Variants in RALGDS observed in about 807,000 individuals in gnomAD.
The protein encoded by RALGDS is ral guanine nucleotide dissociation stimulator.
A neutral mutation model predicts 99.8 loss-of-function variants in RALGDS; 44 were observed. That is an observed-to-expected ratio of 0.44 (90% CI 0.35 to 0.57). RALGDS has a LOEUF of 0.57. Ranked by LOEUF, RALGDS falls within the 20% of genes least tolerant of loss-of-function variation. The pLI, the probability that RALGDS is intolerant of heterozygous loss-of-function variation, is 0.01. For synonymous variants in RALGDS, 529 were observed against 505.0 expected (o/e 1.05, Z -0.64); for missense variants, 1,022 against 1,203.1 (o/e 0.85, Z 2.23).
chr9:133,137,758 G>C (rs1832450649), intron 1 of RALGDS, among the ~76,000 whole-genome samples: 1 of 152,326 alleles, frequency 6.6e-6, no homozygotes, highest in East Asian at 1.9e-4. Flanking sequence ...GTTGGCCCTG[G>C]TTTAACCTAG....
chr9:133,114,313 C>T (rs1487701778), intron 1 of RALGDS, among the ~76,000 whole-genome samples: 1 of 152,188 alleles, frequency 6.6e-6, no homozygotes, highest in Non-Finnish European at 1.5e-5. Flanking sequence ...CAGCAGCAGG[C>T]ATGGAACCAG....
At chr9:133,102,407 C>T (rs1287052917) in intron 14 of RALGDS, 69 bp downstream of exon 14, 2 of 1,525,044 alleles carry the variant, frequency 1.3e-6, no homozygotes, top group East Asian at 2.3e-5. Context: ...ACTCCCTGAG[C>T]CCAGGCTCAG....
At chr9:133,141,981 C>T (rs1345917503) in intron 1 of RALGDS, among the ~76,000 whole-genome samples, 2 of 152,206 alleles carry the variant, frequency 1.3e-5, no homozygotes, top group African/African-American at 2.4e-5. Context: ...CGGTACCACA[C>T]GTGGTACCCC....
At position 133,098,552 on chromosome 9, in the gene RALGDS, T is replaced by G. The variant is rs1358874547; in HGVS notation, c.*35A>C. 6.2e-7 allele frequency: 1 copy of G among 1,612,038 alleles called. No homozygotes were observed. The stretch of plus-strand genomic sequence containing the variant: ...TGGGCCACTCTGGTCCATAAGTGCT[T>G]GGCTACCAGCCAGCCAGACCCTGGG... On this transcript the variant is annotated 3_prime_UTR_variant, in exon 18 of 18. Coordinates refer to ENST00000372050, the MANE Select transcript of RALGDS (RefSeq NM_006266.4).
intron 1 of RALGDS, among the ~76,000 whole-genome samples, chr9:133,118,801 C>G (rs1240306260): frequency 6.6e-6 from 1 of 152,240 alleles, no homozygotes; most frequent in African/African-American, 2.4e-5. Flanking sequence ...ACAGAGAACA[C>G]AGCCCATGCT....
Position 133,101,677 on chromosome 9 carries a change from G to A in RALGDS, c.2297C>T (p.Thr766Ile). ...SSSTSSSSASTTPVAATRTHK... is the reference protein window; with the variant it reads ...SSSTSSSSASITPVAATRTHK... ...GGTGCGTGTGGCAGCCACGGGCGTG[G>A]TGGAGGCTGAGGAGGACGAGGTGCT... is the stretch of plus-strand genomic sequence containing the variant. Residue 766 changes from threonine (T) to isoleucine (I), a missense_variant, in exon 16 of 18, where the codon ACC becomes ATC. Thr to Ile is a moderately conservative substitution (Grantham distance 89, BLOSUM62 -1). This residue lies in a region of RALGDS where 825 missense variants were observed against 994.5 expected (regional missense o/e 0.83). Transcript: ENST00000372050. The A allele has an allele frequency of 6.2e-7, 1 of 1,613,970 alleles. No homozygotes were observed. Among genetic ancestry groups the A allele is most frequent in the Non-Finnish European group, 8.5e-7 (1 of 1,179,994 alleles).
chr9:133,127,849 C>T (rs1178789496), intron 1 of RALGDS, among the ~76,000 whole-genome samples: 1 of 152,240 alleles, frequency 6.6e-6, no homozygotes, highest in Non-Finnish European at 1.5e-5. Flanking sequence ...GATGTGACAG[C>T]AACCCTCTGA....
rs571765436 is a variant in RALGDS, at chr9:133,099,809, GT to G, written c.2569+458del. On this transcript the variant is annotated intron_variant, in intron 17 of 17. Coordinates refer to ENST00000372050, the MANE Select transcript of RALGDS (RefSeq NM_006266.4). Reference sequence around the variant, plus strand: ...GATACCCCACTCTGAGCCTGCACTGGTTCTTGACACTTTCCCAGTTTCTAGA... The same window carrying G: ...GATACCCCACTCTGAGCCTGCACTGGTCTTGACACTTTCCCAGTTTCTAGA... 1.5e-3 allele frequency: 311 copies of G among 209,828 alleles called. 2 individuals are homozygous for G. The highest frequency in any genetic ancestry group is 6.5e-3 in the Admixed American group (123 of 19,000). The allele number at this position is 209,828 out of a possible 1,614,324, so 13.0% of individuals were successfully genotyped here.
At chr9:133,120,789 C>T (rs1232097455) in intron 1 of RALGDS, among the ~76,000 whole-genome samples, 183 bp downstream of exon 1, 1 of 151,786 alleles carries the variant, frequency 6.6e-6, no homozygotes, top group Admixed American at 6.6e-5. Flanking sequence ...CGGCAGCCCC[C>T]ACTGCCCACC....
upstream of RALGDS, among the ~76,000 whole-genome samples, chr9:133,132,334 G>T (rs1342084010): frequency 6.6e-6 from 1 of 152,178 alleles, no homozygotes; most frequent in Non-Finnish European, 1.5e-5. Flanking sequence ...TCCGAGCAGG[G>T]ATCCGAGGCT....
At chr9:133,129,031 T>C in intron 1 of RALGDS, 2 of 1,328,620 alleles carry the variant, frequency 1.5e-6, no homozygotes, top group Middle Eastern at 2.6e-4. Flanking sequence ...CAACCAGTTC[T>C]GGCAGGGAAG....
chr9:133,110,237 AGGTGGG>A (rs1831277213), intron 3 of RALGDS, 53 bp downstream of exon 3: 1 of 1,515,842 alleles, frequency 6.6e-7, no homozygotes, highest in South Asian at 1.1e-5. Flanking sequence ...ACCCGCAGCC[AGGTGGG>A]GGTGGGGGCG....
At chr9:133,146,282 G>A (rs994733535) in intron 1 of RALGDS, among the ~76,000 whole-genome samples, 7 of 152,132 alleles carry the variant, frequency 4.6e-5, no homozygotes, top group African/African-American at 1.7e-4. Flanking sequence ...TCACCTCCCA[G>A]GTTCAAGTGA....
chr9:133,110,207 G>A, intron 3 of RALGDS, 89 bp downstream of exon 3: 1 of 1,324,256 alleles, frequency 7.6e-7, no homozygotes, highest in Non-Finnish European at 1.1e-6. Context: ...GGCTCAGAGA[G>A]GTGAATCAGC....
chr9:133,136,684 A>C (rs555373636), intron 1 of RALGDS, among the ~76,000 whole-genome samples: 1 of 152,226 alleles, frequency 6.6e-6, no homozygotes, highest in East Asian at 1.9e-4. Flanking sequence ...GAGGCAGAGA[A>C]CTGCTTGAAC....
chr9:133,143,777 CAACAACAACAAT>C (rs1564256159), intron 1 of RALGDS, among the ~76,000 whole-genome samples: 8 of 114,534 alleles, frequency 7.0e-5, no homozygotes, highest in African/African-American at 3.1e-4. Context: ...ATAATAACAA[CAACAACAACAAT>C]AATAATAATA....
intron 9 of RALGDS, chr9:133,104,687 C>G (rs1473269258): frequency 3.9e-6 from 1 of 258,830 alleles, no homozygotes; most frequent in East Asian, 1.0e-4. Context: ...TGGTGCACAC[C>G]TATAATCCCA....
rs567286946 is a variant in RALGDS at position 133,105,163 on chromosome 9, C to G, written c.1602+769G>C. Among the ~76,000 whole-genome samples the G allele has an allele frequency of 3.0e-3, 454 of 152,264 alleles. 2 individuals are homozygous for G. Among genetic ancestry groups the G allele is most frequent in the African/African-American group, 0.01 (423 of 41,556 alleles). On this transcript the variant is annotated intron_variant, in intron 9 of 17. Coordinates refer to ENST00000372050, the MANE Select transcript of RALGDS (RefSeq NM_006266.4). The stretch of plus-strand genomic sequence containing the variant: ...GGGAGAGGGACAGGTGTCCCAGGAG[C>G]CCCCTGCGATGCTCCCCTGTAGGGA...
upstream of RALGDS, among the ~76,000 whole-genome samples, chr9:133,133,485 G>A (rs977424680): frequency 1.2e-4 from 18 of 152,154 alleles, no homozygotes; most frequent in African/African-American, 3.9e-4. Context: ...TGGCCAGGCC[G>A]CCACGTGATG....
Sources: allele counts gnomAD v4.1 joint callset (sites outside exome capture counted in the v4.1 genomes callset), GRCh38; gene constraint gnomAD v4.1.1; regional missense constraint gnomAD v4.1.1; transcripts MANE v1.5; gene names NCBI Gene and HGNC (gene_info 2026-07-23, HGNC 2026-07-21).